KLHL3: variants seen among roughly 807,000 people sequenced by gnomAD.
KLHL3 encodes kelch like family member 3, also known as kelch-like protein 3.
KLHL3 carries 19 observed loss-of-function variants against 70.5 expected under a neutral mutation model. The ratio of observed to expected loss-of-function variants is 0.27; its 90% CI spans 0.19 to 0.40. The LOEUF (loss-of-function observed/expected upper bound fraction) is 0.40, where lower values mean the gene tolerates loss of function less well. Ranked by LOEUF, KLHL3 falls within the 10% of genes least tolerant of loss-of-function variation. The pLI is 1.00. For synonymous variants in KLHL3, 258 were observed against 290.3 expected (o/e 0.89, Z 1.13); for missense variants, 512 against 771.1 (o/e 0.66, Z 3.98).
At chr5:137,695,048 T>C (rs1010055752) in intron 4 of KLHL3, among the ~76,000 whole-genome samples, 1 of 152,124 alleles carries the variant, frequency 6.6e-6, no homozygotes, top group African/African-American at 2.4e-5. Context: ...TACAAGATCA[T>C]GCCAGTGACA....
rs78623674 is a variant in KLHL3 at position 137,645,458 on chromosome 5, T to C, written c.904-5481A>G. ...AGAATGAATAAATGAATTGGCAAAG[T>C]GGCAGGATACAAAATCAACATACAA... is the stretch of plus-strand genomic sequence containing the variant. On this transcript the variant is annotated intron_variant, in intron 8 of 14. Transcript: ENST00000309755. Among the ~76,000 whole-genome samples, 1,116 of 152,158 alleles carry C rather than the reference T, an allele frequency of 7.3e-3. 16 individuals are homozygous for C. Among genetic ancestry groups the C allele is most frequent in the African/African-American group, 0.025 (1,057 of 41,524 alleles).
chr5:137,716,248 CTA>C (rs1489897569), intron 2 of KLHL3, among the ~76,000 whole-genome samples: 1 of 150,966 alleles, frequency 6.6e-6, no homozygotes, highest in Admixed American at 6.6e-5. Context: ...ATGGGTCTCA[CTA>C]TGTTGCCCAG....
At position 137,725,692 on chromosome 5, in the gene KLHL3, C is replaced by T. The variant is rs567634559; in HGVS notation, c.15-5108G>A. Among the ~76,000 whole-genome samples, 128 of 152,366 alleles carry T rather than the reference C, an allele frequency of 8.4e-4. 1 individual carries two copies. The South Asian group carries it at 0.025, about 30-fold the overall frequency. Reference sequence around the variant, plus strand: ...AATAAACTCTAGCAGAATCAGAACACATGAATCTAGTCAACTTTGTCAAAG... The same window carrying T: ...AATAAACTCTAGCAGAATCAGAACATATGAATCTAGTCAACTTTGTCAAAG... On this transcript the variant is annotated intron_variant, in intron 1 of 14. Transcript: ENST00000309755.
At position 137,661,986 on chromosome 5, in the gene KLHL3, G is replaced by A. The variant is rs764190841; in HGVS notation, c.682C>T (p.Arg228Cys). 2 of 1,613,086 alleles carry A rather than the reference G, an allele frequency of 1.2e-6. No individual in the cohort carries two copies. Among genetic ancestry groups the A allele is most frequent in the Non-Finnish European group, 1.7e-6 (2 of 1,179,416 alleles). ...ATCAGCTTTGCCATGTGCTCTAAAC[G>A]GGTTTCTTTCTCATAATTGATCCAT... ...ISWINYEKETRLEHMAKLMEH... is the reference protein window; with the variant it reads ...ISWINYEKETCLEHMAKLMEH... Residue 228 changes from arginine to cysteine, a missense_variant, in exon 7 of 15, where the codon CGT becomes TGT. Arg to Cys is a radical substitution (Grantham distance 180). Transcript: ENST00000309755.
intron 5 of KLHL3, among the ~76,000 whole-genome samples, chr5:137,682,401 C>CAGAGAGAGAGAGAG (rs1752048792): frequency 3.1e-5 from 1 of 31,892 alleles, no homozygotes. Context: ...GGGTGCTGGA[C>CAGAGAGAGAGAGAG]ATAGAGAGAG....
At chr5:137,731,830 G>A (rs531585106) in intron 1 of KLHL3, among the ~76,000 whole-genome samples, 1 of 152,140 alleles carries the variant, frequency 6.6e-6, no homozygotes, top group African/African-American at 2.4e-5. Flanking sequence ...GCCACAGTCT[G>A]GGCCTGAATG....
At chr5:137,663,109 G>A (rs1751526278) in intron 6 of KLHL3, among the ~76,000 whole-genome samples, 1 of 134,202 alleles carries the variant, frequency 7.5e-6, no homozygotes, top group African/African-American at 2.9e-5. Flanking sequence ...ATAGGCTGGA[G>A]TGCAGTGGCA....
chr5:137,720,374 G>C, intron 2 of KLHL3, 91 bp downstream of exon 2: 4 of 1,446,748 alleles, frequency 2.8e-6, no homozygotes, highest in Non-Finnish European at 3.8e-6. Flanking sequence ...GAATTCCCTA[G>C]GTGGTCATGT....
At chr5:137,733,966 T>G (rs1370131130) in intron 1 of KLHL3, among the ~76,000 whole-genome samples, 1 of 152,220 alleles carries the variant, frequency 6.6e-6, no homozygotes, top group African/African-American at 2.4e-5. Flanking sequence ...CCATCTGCCT[T>G]CAGCAGAGGA....
At chr5:137,678,109 G>A (rs189456464) in intron 5 of KLHL3, among the ~76,000 whole-genome samples, 1 of 152,248 alleles carries the variant, frequency 6.6e-6, no homozygotes, top group East Asian at 1.9e-4. Flanking sequence ...GTTCTTATAG[G>A]AAGTCAACAT....
chr5:137,643,314 C>T (rs1750963961), intron 8 of KLHL3, among the ~76,000 whole-genome samples: 1 of 149,584 alleles, frequency 6.7e-6, no homozygotes, highest in South Asian at 2.1e-4. Context: ...ATTGCAGCAC[C>T]ACTGCACTCC....
At chr5:137,623,833 T>G (rs568606440) in intron 14 of KLHL3, among the ~76,000 whole-genome samples, 1 of 152,196 alleles carries the variant, frequency 6.6e-6, no homozygotes, top group African/African-American at 2.4e-5. Context: ...GGGTTCAGTA[T>G]GATAGAATAC....
chr5:137,732,491 G>T (rs1753194643), intron 1 of KLHL3, among the ~76,000 whole-genome samples: 1 of 151,330 alleles, frequency 6.6e-6, no homozygotes, highest in Non-Finnish European at 1.5e-5. Flanking sequence ...GATTAAGGTA[G>T]ATCTTGGTGA....
chr5:137,649,873 C>T (rs1419282718), intron 8 of KLHL3, among the ~76,000 whole-genome samples: 5 of 152,156 alleles, frequency 3.3e-5, no homozygotes, highest in Non-Finnish European at 2.9e-5. Flanking sequence ...TTGAGTCAGC[C>T]AGACTTGGAT....
rs371138613 is a variant in KLHL3, at chr5:137,710,345, G to A, written c.135-489C>T. On this transcript the variant is annotated intron_variant, in intron 2 of 14. Coordinates refer to ENST00000309755, the MANE Select transcript of KLHL3 (RefSeq NM_017415.3). ...CCAGTAAGAGGCAAGCCGGCCTTAG[G>A]TATTTCTCTTTCGACCCAGATTTAA... Among the ~76,000 whole-genome samples the A allele has an allele frequency of 1.0e-3, 159 of 152,258 alleles. 4 individuals carry two copies. In the South Asian group the frequency reaches 0.032, roughly 30 times the overall value.
chr5:137,627,477 ACC>A (rs1554089725), intron 13 of KLHL3, among the ~76,000 whole-genome samples: 4 of 79,440 alleles, frequency 5.0e-5, no homozygotes, highest in African/African-American at 9.7e-5. Flanking sequence ...AAATATCACC[ACC>A]CCCCCCCCCG....
At chr5:137,710,459 G>A (rs1752771273) in intron 2 of KLHL3, among the ~76,000 whole-genome samples, 4 of 152,126 alleles carry the variant, frequency 2.6e-5, no homozygotes, top group Admixed American at 1.3e-4. Context: ...TAAAAATACT[G>A]TAATTACCTT....
intron 1 of KLHL3, among the ~76,000 whole-genome samples, chr5:137,730,187 C>T (rs186906952): frequency 3.0e-4 from 45 of 152,288 alleles, no homozygotes; most frequent in African/African-American, 1.0e-3. Context: ...GCAGAACTGG[C>T]ACTGAAACCC....
intron 6 of KLHL3, among the ~76,000 whole-genome samples, chr5:137,665,473 G>T (rs1177300771): frequency 6.6e-6 from 1 of 152,178 alleles, no homozygotes; most frequent in East Asian, 1.9e-4. Flanking sequence ...ACTGTCAAAT[G>T]ATTAAGCAAA....
Sources: gnomAD v4.1 joint callset for allele counts (sites outside exome capture counted in the v4.1 genomes callset) on GRCh38, gnomAD v4.1.1 for gene constraint, MANE v1.5 for transcripts, NCBI Gene and HGNC (gene_info 2026-07-23, HGNC 2026-07-21) for gene names.